TRDN: variants seen among roughly 807,000 people sequenced by gnomAD.
TRDN encodes triadin.
A neutral mutation model predicts 149.7 loss-of-function variants in TRDN; 161 were observed. The ratio of observed to expected loss-of-function variants is 1.08; its 90% confidence interval spans 0.95 to 1.23. The LOEUF (loss-of-function observed/expected upper bound fraction) is 1.23. Ranked by LOEUF, TRDN falls within the 50% of genes most tolerant of loss-of-function variation. The probability of loss-of-function intolerance (pLI) is 0.00; values close to 1 mark genes in which losing one functional copy is unlikely to be tolerated. For synonymous variants in TRDN, 294 were observed against 250.5 expected, an observed-to-expected ratio of 1.17 and a Z score of -1.64; for missense variants, 896 against 823.5, an observed-to-expected ratio of 1.09 and a Z score of -1.08.
At chr6:123,233,810 A>T (rs1052064850) in intron 38 of TRDN, among the ~76,000 whole-genome samples, 4 of 151,916 alleles carry the variant, frequency 2.6e-5, no homozygotes, top group African/African-American at 9.7e-5. Flanking sequence ...TTTTCTCTTT[A>T]TTTTTTTATT....
chr6:123,528,904 A>G (rs1267386470), intron 5 of TRDN: 5 of 1,057,112 alleles, frequency 4.7e-6, no homozygotes, highest in East Asian at 6.7e-5. Context: ...TTTACAAAAC[A>G]TATTTGGTCT....
At chr6:123,629,335 A>G (rs192590402) in intron 1 of TRDN, among the ~76,000 whole-genome samples, 60 of 152,214 alleles carry the variant, frequency 3.9e-4, no homozygotes, top group African/African-American at 1.2e-3. Context: ...CCATATTAAA[A>G]CTAAGTTTGA....
intron 9 of TRDN, among the ~76,000 whole-genome samples, chr6:123,483,116 TA>T (rs1777833350): frequency 7.8e-6 from 1 of 128,760 alleles, no homozygotes; most frequent in African/African-American, 3.0e-5. Flanking sequence ...TTATTATTAT[TA>T]TTTGAGACCG....
Position 123,393,720 on chromosome 6 carries a change from G to A in TRDN, c.1052-43C>T, listed in dbSNP as rs777123936. Reference sequence around the variant, plus strand: ...ATAAATTACCATGAAGTATGATTTTGGAAAAATATATAAATAAAAAAGGGA... The same window carrying A: ...ATAAATTACCATGAAGTATGATTTTAGAAAAATATATAAATAAAAAAGGGA... On this transcript the variant is annotated intron_variant, in intron 12 of 40. Transcript: ENST00000334268. 1.4e-5 allele frequency: 22 copies of A among 1,544,320 alleles called. No individual in the cohort carries two copies. The African/African-American group carries it at 2.6e-4, about 18-fold the overall frequency.
rs368375777 is a variant in TRDN at position 123,404,138 on chromosome 6, C to T, written c.1052-10461G>A. On this transcript the variant is annotated intron_variant, in intron 12 of 40. Coordinates refer to ENST00000334268, the MANE Select transcript of TRDN (RefSeq NM_006073.4). ...TTCCTTCTTTCTGATATTGGACTCT[C>T]AATCTTCTCCTTGGACTTTCATAAA... Among the ~76,000 whole-genome samples the T allele has an allele frequency of 2.3e-3, 354 of 152,254 alleles. No individual in the cohort carries two copies. In the Middle Eastern group the frequency reaches 0.027, roughly 12 times the overall value.
At chr6:123,537,520 TA>T (rs1780612607) in intron 4 of TRDN, among the ~76,000 whole-genome samples, 1 of 152,244 alleles carries the variant, frequency 6.6e-6, no homozygotes, top group South Asian at 2.1e-4. Context: ...GTGTAATCTC[TA>T]AAACTTCACC....
chr6:123,535,546 G>A (rs1224017923), intron 4 of TRDN, among the ~76,000 whole-genome samples: 1 of 151,976 alleles, frequency 6.6e-6, no homozygotes, highest in African/African-American at 2.4e-5. Flanking sequence ...TATCATACTG[G>A]GCTTTAAATG....
chr6:123,522,517 C>CTTTTTTTTTTTTT (rs375665403), intron 5 of TRDN, among the ~76,000 whole-genome samples: 1 of 87,222 alleles, frequency 1.1e-5, no homozygotes, highest in Non-Finnish European at 2.0e-5. Context: ...TGCGGTTCCT[C>CTTTTTTTTTTTTT]TTTTTTTTTT....
intron 1 of TRDN, among the ~76,000 whole-genome samples, chr6:123,592,603 C>A (rs72962840): frequency 0.034 from 5,169 of 152,218 alleles, 121 homozygotes; most frequent in East Asian, 0.057. Context: ...AAATGACAAG[C>A]CCATATTTCT....
intron 9 of TRDN, chr6:123,468,702 G>A (rs907586126): frequency 2.6e-5 from 4 of 152,138 alleles, no homozygotes; most frequent in African/African-American, 7.2e-5. Flanking sequence ...CTTTATGAAC[G>A]AGATTCCCTG....
At chr6:123,277,757 C>CA (rs940127139) in intron 26 of TRDN, among the ~76,000 whole-genome samples, 4 of 152,138 alleles carry the variant, frequency 2.6e-5, no homozygotes, top group Non-Finnish European at 5.9e-5. Context: ...ATCTACTCTC[C>CA]AGAACTGTGA....
intron 8 of TRDN, chr6:123,503,375 G>A: frequency 2.0e-6 from 2 of 985,248 alleles, no homozygotes; most frequent in African/African-American, 1.7e-5. Flanking sequence ...TTCCTCCAAA[G>A]AGTATGACAC....
intron 1 of TRDN, among the ~76,000 whole-genome samples, chr6:123,617,442 A>G (rs1468867783): frequency 6.6e-6 from 1 of 152,164 alleles, no homozygotes; most frequent in African/African-American, 2.4e-5. Flanking sequence ...TGCACAAGCT[A>G]CAGTCTCTCT....
At chr6:123,530,177 T>C (rs2114336580) in intron 5 of TRDN, among the ~76,000 whole-genome samples, 1 of 152,130 alleles carries the variant, frequency 6.6e-6, no homozygotes, top group African/African-American at 2.4e-5. Flanking sequence ...CTCTGACTTG[T>C]TACACTAACT....
At chr6:123,577,163 G>A (rs185003198) in intron 1 of TRDN, among the ~76,000 whole-genome samples, 1 of 152,130 alleles carries the variant, frequency 6.6e-6, no homozygotes, top group Non-Finnish European at 1.5e-5. Context: ...ATTTCTTACA[G>A]TTCTAGTGGC....
intron 12 of TRDN, among the ~76,000 whole-genome samples, chr6:123,433,602 TC>T (rs1280301360): frequency 1.3e-5 from 2 of 152,126 alleles, no homozygotes; most frequent in African/African-American, 4.8e-5. Flanking sequence ...GGTTTTAATA[TC>T]CTTCTTGTAA....
intron 10 of TRDN, chr6:123,456,707 G>A (rs534782513): frequency 2.0e-4 from 87 of 432,014 alleles, no homozygotes; most frequent in Non-Finnish European, 3.6e-4. Context: ...GAGCTGAAGC[G>A]ATCCACCCAC....
chr6:123,410,656 A>G (rs1275788376), intron 12 of TRDN, among the ~76,000 whole-genome samples: 3 of 152,150 alleles, frequency 2.0e-5, no homozygotes, highest in African/African-American at 7.2e-5. Context: ...AGTGATTTAT[A>G]CACAGTTTTA....
chr6:123,278,285 A>G, intron 26 of TRDN, 33 bp downstream of exon 26: 1 of 1,243,066 alleles, frequency 8.0e-7, no homozygotes, highest in Non-Finnish European at 1.1e-6. Flanking sequence ...TAAACATGGA[A>G]ATCATATATG....
Sources: allele counts gnomAD v4.1 joint callset (sites outside exome capture counted in the v4.1 genomes callset), GRCh38; gene constraint gnomAD v4.1.1; transcripts MANE v1.5; gene names NCBI Gene and HGNC (gene_info 2026-07-23, HGNC 2026-07-21).